The following UNC79 variants were observed in gnomAD, a reference collection of about 807,000 sequenced individuals.
UNC79 encodes the protein protein unc-79 homolog.
Under a neutral mutation model 283.1 loss-of-function variants are expected in UNC79, and 37 were observed. That is an observed-to-expected ratio of 0.13 (90% CI 0.10 to 0.17). The LOEUF (loss-of-function observed/expected upper bound fraction) is 0.17. UNC79 is among the 10% of genes least tolerant of loss of function. The pLI is 1.00. For missense variants in UNC79, 2,272 were observed against 3,211.1 expected, an observed-to-expected ratio of 0.71 and a Z score of 7.07; for synonymous variants, 1,107 against 1,200.2, an observed-to-expected ratio of 0.92 and a Z score of 1.61.
At chr14:93,526,014 T>A (rs1458809170) in intron 8 of UNC79, among the ~76,000 whole-genome samples, 1 of 152,198 alleles carries the variant, frequency 6.6e-6, no homozygotes, top group Non-Finnish European at 1.5e-5. Flanking sequence ...AAAATTCACA[T>A]AATGAACAAT....
At chr14:93,588,636 G>A (rs971486142) in intron 22 of UNC79, among the ~76,000 whole-genome samples, 2 of 151,178 alleles carry the variant, frequency 1.3e-5, no homozygotes, top group African/African-American at 4.9e-5. Context: ...AGCTACTCGG[G>A]AGGCTGAAGC....
Position 93,694,326 on chromosome 14 carries a change from T to C in UNC79, c.7471-9T>C, listed in dbSNP as rs1414493583. 15 of 1,605,558 alleles carry C rather than the reference T, an allele frequency of 9.3e-6. No individual in the cohort carries two copies. Among genetic ancestry groups the C allele is most frequent in the African/African-American group, 2.7e-5 (2 of 74,796 alleles). On this transcript the variant is annotated splice_polypyrimidine_tract_variant and intron_variant, in intron 46 of 48. Coordinates refer to ENST00000555664, the Ensembl canonical transcript of UNC79. ...GAAATGGAATTAACTTTCATGTTTGTTGTTTCAGATGGTAGAAATGGTGTG... is the reference window on the plus strand; with the variant it reads ...GAAATGGAATTAACTTTCATGTTTGCTGTTTCAGATGGTAGAAATGGTGTG...
intron 1 of UNC79, among the ~76,000 whole-genome samples, chr14:93,398,062 G>A (rs2140022133): frequency 6.6e-6 from 1 of 152,230 alleles, no homozygotes; most frequent in South Asian, 2.1e-4. Flanking sequence ...GAGAATTTCA[G>A]AGGTCCCTAC....
chr14:93,572,016 G>A (rs575318019), exon 15 of UNC79: 23 of 1,614,166 alleles, frequency 1.4e-5, no homozygotes, highest in African/African-American at 5.3e-5. Flanking sequence ...GTATTATGCC[G>A]GAATGGCTGG....
intron 1 of UNC79, among the ~76,000 whole-genome samples, chr14:93,459,083 C>T (rs1566948417): frequency 6.6e-6 from 1 of 152,218 alleles, no homozygotes; most frequent in Non-Finnish European, 1.5e-5. Flanking sequence ...CCTCTGCCTC[C>T]TGGGTTCAAG....
intron 7 of UNC79, among the ~76,000 whole-genome samples, chr14:93,502,567 C>G (rs2059348235): frequency 6.6e-6 from 1 of 152,150 alleles, no homozygotes; most frequent in Admixed American, 6.5e-5. Context: ...TTGTTCTATG[C>G]TTTTCTGCTT....
In UNC79 at chr14:93,690,015, G is replaced by T. The variant is rs773027223; in HGVS notation, c.7086-102G>T. On this transcript the variant is annotated intron_variant, in intron 44 of 48. Coordinates refer to ENST00000555664, the Ensembl canonical transcript of UNC79. The surrounding 1 kb of genome is among the most constrained non-coding windows in gnomAD (Gnocchi z 4.3). ...GGCGTTTTGTTTTATGTGATTGCCT[G>T]CAAGACCACACTTTCAATCCCTTCC... The T allele has an allele frequency of 3.7e-6, 5 of 1,341,058 alleles. No individual in the cohort carries two copies. The highest frequency in any genetic ancestry group is 5.1e-6 in the Non-Finnish European group (5 of 972,142). The allele number at this position is 1,341,058 out of a possible 1,614,324, so 83.1% of individuals were successfully genotyped here.
chr14:93,445,126 C>A (rs1421486841), intron 1 of UNC79, among the ~76,000 whole-genome samples: 3 of 151,996 alleles, frequency 2.0e-5, no homozygotes, highest in African/African-American at 4.8e-5. Context: ...AATACAATAG[C>A]TTTGCTGTGT....
chr14:93,472,871 A>G (rs1197857424), intron 2 of UNC79, among the ~76,000 whole-genome samples: 2 of 152,282 alleles, frequency 1.3e-5, no homozygotes, highest in African/African-American at 2.4e-5. Flanking sequence ...ACATAAGTGT[A>G]CTATATAAAA....
chr14:93,619,228 A>G (rs2066949358), intron 29 of UNC79, among the ~76,000 whole-genome samples: 1 of 152,226 alleles, frequency 6.6e-6, no homozygotes, highest in Non-Finnish European at 1.5e-5. Flanking sequence ...TTCTGGTACC[A>G]TTCAGATCCC....
intron 1 of UNC79, among the ~76,000 whole-genome samples, chr14:93,391,600 A>G (rs2054884615): frequency 6.6e-6 from 1 of 152,132 alleles, no homozygotes; most frequent in South Asian, 2.1e-4. Context: ...TTGTATCTAT[A>G]ATTTCTTTTT....
intron 7 of UNC79, among the ~76,000 whole-genome samples, chr14:93,522,515 CTGG>C (rs2060368048): frequency 6.6e-6 from 1 of 152,062 alleles, no homozygotes; most frequent in Non-Finnish European, 1.5e-5. Flanking sequence ...AATTCATGTA[CTGG>C]TTAAAGGCAG....
intron 1 of UNC79, among the ~76,000 whole-genome samples, chr14:93,396,812 G>A (rs576939935): frequency 1.6e-5 from 1 of 63,274 alleles, no homozygotes; most frequent in African/African-American, 5.2e-5. Context: ...TGTGTGTTGT[G>A]GCATGCTTTC....
At chr14:93,580,092 T>C (rs1277555826) in intron 18 of UNC79, 57 bp from the exon 19 acceptor site, 14 of 1,480,700 alleles carry the variant, frequency 9.5e-6, no homozygotes, top group Non-Finnish European at 1.3e-5. Context: ...CCAAACTCCT[T>C]CTTCTTCTTT....
chr14:93,676,119 T>C (rs1157201058), intron 41 of UNC79, among the ~76,000 whole-genome samples: 1 of 152,178 alleles, frequency 6.6e-6, no homozygotes, highest in Admixed American at 6.5e-5. Context: ...CGCAGTGGCA[T>C]GGTCTTAGCT....
At chr14:93,623,620 C>T (rs926561008) in intron 30 of UNC79, among the ~76,000 whole-genome samples, 5 of 152,284 alleles carry the variant, frequency 3.3e-5, no homozygotes, top group African/African-American at 9.6e-5. Flanking sequence ...TGGGGCTGGG[C>T]GTAGTGGTTC....
intron 34 of UNC79, 91 bp from the exon 38 acceptor site, chr14:93,646,517 C>G: frequency 7.7e-7 from 1 of 1,302,046 alleles, no homozygotes; most frequent in Non-Finnish European, 1.1e-6. Flanking sequence ...CCCATCTAAA[C>G]TGGAAACACA....
intron 8 of UNC79, among the ~76,000 whole-genome samples, chr14:93,527,230 C>G (rs180754760): frequency 3.3e-5 from 5 of 152,346 alleles, no homozygotes; most frequent in Non-Finnish European, 7.3e-5. Flanking sequence ...TGGCCCAGAG[C>G]CAAATCTGGC....
At position 93,617,311 on chromosome 14, in the gene UNC79, T is replaced by G. The variant is rs2066800607; in HGVS notation, c.4224+7T>G. ...GCTTGTCATCCTTTACAAGGTGAGCTGGGTGGTCACTGCTGTTTTGGATGC... is the reference window on the plus strand; with the variant it reads ...GCTTGTCATCCTTTACAAGGTGAGCGGGGTGGTCACTGCTGTTTTGGATGC... On this transcript the variant is annotated splice_region_variant and intron_variant, in intron 28 of 48. Transcript: ENST00000555664. This position sits in a 1 kb window ranked among gnomAD's most constrained non-coding sequence, Gnocchi z 4.5. 1 of 1,613,666 alleles carries G rather than the reference T, an allele frequency of 6.2e-7. No individual in the cohort carries two copies. Among genetic ancestry groups the G allele is most frequent in the Non-Finnish European group, 8.5e-7 (1 of 1,179,798 alleles).
Sources: gnomAD v4.1 joint callset for allele counts (sites outside exome capture counted in the v4.1 genomes callset) on GRCh38, gnomAD v4.1.1 for gene constraint, Gnocchi (gnomAD v3.1) non-coding constraint, MANE v1.5 for transcripts, NCBI Gene and HGNC (gene_info 2026-07-23, HGNC 2026-07-21) for gene names.